The following CNBD2 variants were observed in gnomAD, a reference collection of about 807,000 sequenced individuals.
The protein encoded by CNBD2 is cyclic nucleotide-binding domain-containing protein 2.
In CNBD2, 64 loss-of-function variants were observed where a neutral mutation model predicts 63.7. That is an observed-to-expected ratio of 1.00 (90% confidence interval 0.82 to 1.24). The LOEUF is 1.24. CNBD2 is among the 50% of genes most tolerant of loss of function. The pLI is 0.00. For missense variants in CNBD2, 691 were observed against 713.5 expected (o/e 0.97, Z 0.36); for synonymous variants, 229 against 255.4 (o/e 0.90, Z 0.99).
chr20:35,969,461 T>G (rs2056382005), intron 1 of CNBD2, among the ~76,000 whole-genome samples: 1 of 150,872 alleles, frequency 6.6e-6, no homozygotes, highest in Non-Finnish European at 1.5e-5. Flanking sequence ...TTTATTTCTC[T>G]TTAATAGTAA....
At chr20:35,994,595 A>T (rs576781348) in intron 7 of CNBD2, among the ~76,000 whole-genome samples, 1 of 151,514 alleles carries the variant, frequency 6.6e-6, no homozygotes, top group Non-Finnish European at 1.5e-5. Flanking sequence ...AAAAGAAAAA[A>T]AAAAAGCACC....
intron 2 of CNBD2, 92 bp from the exon 3 acceptor site, chr20:35,975,857 T>C (rs73095587): frequency 0.012 from 14,530 of 1,167,574 alleles, 127 homozygotes; most frequent in Non-Finnish European, 0.015. Flanking sequence ...CTGCCCACCA[T>C]GGTGGTCCAG....
intron 6 of CNBD2, 130 bp from the exon 7 acceptor site, chr20:35,987,265 G>T: frequency 1.0e-6 from 1 of 958,228 alleles, no homozygotes; most frequent in Non-Finnish European, 1.6e-6. Context: ...CCAGGTAATT[G>T]GGCAGGTAGC....
chr20:36,004,478 T>C (rs1233841519), intron 8 of CNBD2, among the ~76,000 whole-genome samples: 1 of 152,206 alleles, frequency 6.6e-6, no homozygotes, highest in African/African-American at 2.4e-5. Flanking sequence ...AGAAAATCTT[T>C]AGGCAGCATG....
chr20:35,971,828 T>C (rs2056423116), intron 1 of CNBD2, among the ~76,000 whole-genome samples: 1 of 152,212 alleles, frequency 6.6e-6, no homozygotes, highest in African/African-American at 2.4e-5. Flanking sequence ...CCTTGTTTTT[T>C]TCATCATGAA....
intron 10 of CNBD2, among the ~76,000 whole-genome samples, chr20:36,012,477 C>CAA (rs11471733): frequency 0.075 from 10,454 of 139,952 alleles, 1,006 homozygotes; most frequent in African/African-American, 0.22. Context: ...AACTCCATCT[C>CAA]AAAAAAAAAA....
At chr20:35,983,218 T>A (rs2056620015) in intron 4 of CNBD2, among the ~76,000 whole-genome samples, 1 of 148,360 alleles carries the variant, frequency 6.7e-6, no homozygotes, top group South Asian at 2.2e-4. Flanking sequence ...TCCTCCCACC[T>A]TGGCCTCCCA....
At chr20:36,022,250 G>A (rs6142482) in intron 10 of CNBD2, among the ~76,000 whole-genome samples, 31,538 of 137,060 alleles carry the variant, frequency 0.23, 4,375 homozygotes, top group African/African-American at 0.38. Context: ...TCAGGCTGGA[G>A]TGCAGTGGCG....
intron 9 of CNBD2, 35 bp downstream of exon 9, chr20:36,008,509 A>G: frequency 6.4e-7 from 1 of 1,574,578 alleles, no homozygotes; most frequent in Non-Finnish European, 8.6e-7. Context: ...ACGGGTCCAG[A>G]TTGTGGTTGC....
chr20:35,976,080 A>C (rs2056514273), intron 3 of CNBD2, 78 bp downstream of exon 3: 2 of 1,333,398 alleles, frequency 1.5e-6, no homozygotes, highest in East Asian at 2.3e-5. Flanking sequence ...GCTGGGTATC[A>C]GCAGAGCTGG....
chr20:35,963,650 A>T (rs2056324276), upstream of CNBD2, among the ~76,000 whole-genome samples: 1 of 152,062 alleles, frequency 6.6e-6, no homozygotes, highest in Non-Finnish European at 1.5e-5. Context: ...AAAATAAATA[A>T]ATAAATAAAT....
chr20:36,002,448 G>C (rs932313627), intron 8 of CNBD2, among the ~76,000 whole-genome samples: 1 of 151,990 alleles, frequency 6.6e-6, no homozygotes, highest in Non-Finnish European at 1.5e-5. Flanking sequence ...GAGGGAGAGG[G>C]AGAGCCTAAT....
chr20:35,985,232 G>A (rs1023590276), intron 6 of CNBD2, among the ~76,000 whole-genome samples: 2 of 152,090 alleles, frequency 1.3e-5, no homozygotes, highest in Non-Finnish European at 2.9e-5. Flanking sequence ...CCAGGAGTTC[G>A]AGGCTGTGGT....
intron 9 of CNBD2, 22 bp from the exon 10 acceptor site, chr20:36,011,115 C>T: frequency 6.6e-7 from 1 of 1,507,818 alleles, no homozygotes; most frequent in Non-Finnish European, 8.9e-7. Context: ...GATGAGCTCT[C>T]TAACAAGCTG....
chr20:35,955,921 G>A (rs1319060192), downstream of CNBD2, among the ~76,000 whole-genome samples: 3 of 152,104 alleles, frequency 2.0e-5, no homozygotes, highest in Non-Finnish European at 4.4e-5. Context: ...GAGTTTCACC[G>A]TGTTGGCCAG....
At chr20:36,021,883 A>G (rs1182685529) in intron 10 of CNBD2, among the ~76,000 whole-genome samples, 10 of 152,166 alleles carry the variant, frequency 6.6e-5, no homozygotes, top group Admixed American at 6.5e-4. Context: ...GGGCAGCTGG[A>G]GAGAGGAGGA....
At chr20:36,001,794 C>T (rs1290696900) in intron 8 of CNBD2, among the ~76,000 whole-genome samples, 10 of 141,168 alleles carry the variant, frequency 7.1e-5, no homozygotes, top group East Asian at 2.2e-4. Flanking sequence ...ACATCTCAGA[C>T]GATGGGCGGC....
At chr20:35,954,589 C>T (rs1356989080), upstream of CNBD2, 20 of 1,420,220 alleles carry the variant, frequency 1.4e-5, no homozygotes, top group Non-Finnish European at 1.7e-5. Flanking sequence ...CATGAGGCGG[C>T]TGCTGCCCTC....
intron 2 of CNBD2, 116 bp downstream of exon 2, chr20:35,972,882 A>T: frequency 1.0e-6 from 1 of 959,962 alleles, no homozygotes; most frequent in Non-Finnish European, 1.6e-6. Flanking sequence ...AGCAGATGAG[A>T]GACCCAATGG....
Sources: allele counts gnomAD v4.1 joint callset (sites outside exome capture counted in the v4.1 genomes callset), GRCh38; gene constraint gnomAD v4.1.1; transcripts MANE v1.5; gene names NCBI Gene and HGNC (gene_info 2026-07-23, HGNC 2026-07-21).